Variants in FER observed in about 807,000 individuals in gnomAD.
FER encodes the protein FER tyrosine kinase.
FER carries 63 observed loss-of-function variants against 111.0 expected under a neutral mutation model. The observed-to-expected ratio is 0.57, with a 90% CI of 0.46 to 0.70. The LOEUF is 0.70. Ranked by LOEUF, FER falls within the 30% of genes least tolerant of loss-of-function variation. The pLI, the probability that FER is intolerant of heterozygous loss-of-function variation, is 0.00. For synonymous variants in FER, 327 were observed against 313.9 expected (o/e 1.04, Z -0.44); for missense variants, 914 against 954.0 (o/e 0.96, Z 0.55).
chr5:108,759,385 A>G (rs1461667310), intron 1 of FER, among the ~76,000 whole-genome samples: 2 of 152,222 alleles, frequency 1.3e-5, no homozygotes, highest in East Asian at 3.8e-4. Flanking sequence ...TCATGGCAAC[A>G]CAGGCTTTTT....
intron 5 of FER, among the ~76,000 whole-genome samples, chr5:108,837,669 TAC>T (rs968049793): frequency 1.3e-4 from 20 of 152,186 alleles, no homozygotes; most frequent in South Asian, 2.1e-4. Context: ...TTTTTAGTGA[TAC>T]AGTTTATTTT....
In FER at chr5:109,187,666, T is replaced by G; in HGVS notation, c.*91T>G. Reference sequence around the variant, plus strand: ...CATTAACAATGAATTTATACCACATTACCTTCGACAGTCTTCTACCATTAT... The same window carrying G: ...CATTAACAATGAATTTATACCACATGACCTTCGACAGTCTTCTACCATTAT... On this transcript the variant is annotated 3_prime_UTR_variant, in exon 20 of 20. Coordinates refer to ENST00000281092, the MANE Select transcript of FER (RefSeq NM_005246.4). 2 of 1,389,862 alleles carry G rather than the reference T, an allele frequency of 1.4e-6. No homozygotes were observed. Among genetic ancestry groups the G allele is most frequent in the Non-Finnish European group, 2.0e-6 (2 of 1,005,130 alleles). The allele number at this position is 1,389,862 out of a possible 1,614,324, so 86.1% of individuals were successfully genotyped here.
chr5:108,876,478 A>G (rs767368311), intron 8 of FER, among the ~76,000 whole-genome samples: 6 of 152,200 alleles, frequency 3.9e-5, no homozygotes, highest in Admixed American at 1.3e-4. Flanking sequence ...AGTGCCACAC[A>G]TATCAGTATA....
chr5:108,795,151 C>A (rs1755870114), intron 2 of FER, among the ~76,000 whole-genome samples: 1 of 152,084 alleles, frequency 6.6e-6, no homozygotes. Context: ...AAGTGTGACC[C>A]CTTCTTTACA....
At chr5:108,754,651 A>C (rs1337465633) in intron 1 of FER, among the ~76,000 whole-genome samples, 1 of 152,220 alleles carries the variant, frequency 6.6e-6, no homozygotes, top group Non-Finnish European at 1.5e-5. Flanking sequence ...AAAAATATTT[A>C]GGTAACAGTA....
At chr5:108,900,429 A>G (rs141366723) in intron 10 of FER, among the ~76,000 whole-genome samples, 2 of 152,360 alleles carry the variant, frequency 1.3e-5, no homozygotes, top group Non-Finnish European at 2.9e-5. Context: ...TGCTTTATGA[A>G]TAATGTTACA....
chr5:108,794,568 G>A (rs548511973), intron 2 of FER, among the ~76,000 whole-genome samples: 3 of 127,810 alleles, frequency 2.3e-5, no homozygotes, highest in African/African-American at 9.2e-5. Flanking sequence ...TATAGGACTA[G>A]TGTGGTGCTG....
At chr5:109,106,351 AT>A (rs201251946) in intron 17 of FER, among the ~76,000 whole-genome samples, 1 of 151,976 alleles carries the variant, frequency 6.6e-6, no homozygotes, top group East Asian at 1.9e-4. Context: ...AAGAGTTTGA[AT>A]TTTTTTTCAT....
At chr5:108,891,337 T>G (rs1482394874) in intron 9 of FER, 1 of 152,138 alleles carries the variant, frequency 6.6e-6, no homozygotes, top group East Asian at 1.9e-4. Flanking sequence ...ATGTCATTTG[T>G]AAATAGTTTT....
chr5:109,030,778 C>T (rs1223769051), intron 13 of FER, among the ~76,000 whole-genome samples: 1 of 152,148 alleles, frequency 6.6e-6, no homozygotes, highest in Non-Finnish European at 1.5e-5. Context: ...GCACACTGCC[C>T]TGTCATCTCT....
chr5:109,061,257 TC>T (rs1774377885), intron 16 of FER, among the ~76,000 whole-genome samples: 1 of 152,190 alleles, frequency 6.6e-6, no homozygotes, highest in African/African-American at 2.4e-5. Context: ...TAAGACCACT[TC>T]AAAATTATTT....
Position 108,802,206 on chromosome 5 carries a change from G to A in FER, c.207+3817G>A, listed in dbSNP as rs186780249. On this transcript the variant is annotated intron_variant, in intron 3 of 19. Coordinates refer to ENST00000281092, the MANE Select transcript of FER (RefSeq NM_005246.4). ...TTGTGCATCTCCTTACAAATTTTAG[G>A]AGCACCTTACCAATCATTTTTTTTA... Among the ~76,000 whole-genome samples the A allele has an allele frequency of 1.1e-4, 16 of 151,670 alleles. No individual in the cohort carries two copies. In the East Asian group the frequency reaches 2.9e-3, roughly 28 times the overall value.
At chr5:109,034,243 A>G (rs540640576) in intron 13 of FER, among the ~76,000 whole-genome samples, 1 of 152,104 alleles carries the variant, frequency 6.6e-6, no homozygotes, top group African/African-American at 2.4e-5. Context: ...CTGTAGATCT[A>G]TTGATCAATT....
intron 16 of FER, among the ~76,000 whole-genome samples, chr5:109,070,692 A>G (rs914103141): frequency 1.3e-5 from 2 of 152,022 alleles, no homozygotes; most frequent in African/African-American, 2.4e-5. Flanking sequence ...AAAAGAAAGT[A>G]GAGAAGAAAA....
chr5:108,860,525 G>T (rs1402705855), intron 5 of FER, among the ~76,000 whole-genome samples: 1 of 152,132 alleles, frequency 6.6e-6, no homozygotes, highest in East Asian at 1.9e-4. Flanking sequence ...CATTGTTCTT[G>T]TCAGAACCAC....
intron 13 of FER, among the ~76,000 whole-genome samples, chr5:109,031,395 A>C (rs1295672982): frequency 6.6e-6 from 1 of 152,180 alleles, no homozygotes; most frequent in East Asian, 1.9e-4. Context: ...TTATGCTTCT[A>C]GAACTTGTCC....
At chr5:109,050,585 TTAAA>T (rs1772650408) in intron 16 of FER, among the ~76,000 whole-genome samples, 1 of 152,176 alleles carries the variant, frequency 6.6e-6, no homozygotes, top group Non-Finnish European at 1.5e-5. Context: ...ACAGAAACCA[TTAAA>T]TGAATGTGAG....
At chr5:108,939,018 G>T (rs1755894218) in intron 10 of FER, among the ~76,000 whole-genome samples, 1 of 151,978 alleles carries the variant, frequency 6.6e-6, no homozygotes, top group Non-Finnish European at 1.5e-5. Context: ...GTTTAAATTT[G>T]TTTAACTGTG....
chr5:108,790,595 A>G (rs1755256702), intron 2 of FER, among the ~76,000 whole-genome samples: 1 of 152,244 alleles, frequency 6.6e-6, no homozygotes, highest in African/African-American at 2.4e-5. Context: ...GGGGAAGCTT[A>G]TGCTAACTGA....
Sources: gnomAD v4.1 joint callset for allele counts (sites outside exome capture counted in the v4.1 genomes callset) on GRCh38, gnomAD v4.1.1 for gene constraint, MANE v1.5 for transcripts, NCBI Gene and HGNC (gene_info 2026-07-23, HGNC 2026-07-21) for gene names.